The following RASEF variants were observed in gnomAD, a reference collection of about 807,000 sequenced individuals.
The protein encoded by RASEF is ras and EF-hand domain-containing protein.
In RASEF, 68 loss-of-function variants were observed where a neutral mutation model predicts 90.1. That is an observed-to-expected ratio of 0.75 (90% CI 0.62 to 0.92). The LOEUF (loss-of-function observed/expected upper bound fraction) is 0.92. Ranked by LOEUF, RASEF falls within the 40% of genes least tolerant of loss-of-function variation. RASEF has a pLI of 0.00. For missense variants in RASEF, 949 were observed against 937.2 expected (o/e 1.01, Z -0.16); for synonymous variants, 331 against 345.2 (o/e 0.96, Z 0.46).
In RASEF at chr9:83,062,635, C is replaced by G; in HGVS notation, c.233G>C (p.Gly78Ala). The change falls in exon 1 of 17, where the codon GGG becomes GCG. Residue 78 changes from glycine (G) to alanine (A), a missense_variant. Gly to Ala is a moderately conservative substitution (Grantham distance 60). Around this residue, in one of 3 missense-constraint regions of RASEF, gnomAD observed 656 missense variants for 592.2 expected, o/e 1.11. Coordinates refer to ENST00000376447, the MANE Select transcript of RASEF (RefSeq NM_152573.4). ...CAGAGGACCCCAGTCCCGGCGCCGC[C>G]CCCCGCGGAGGGACCCGAGGAAGCC... Reference protein sequence around the residue: ...ARGFLGSLRGGRRRDWGPLDP... With the variant: ...ARGFLGSLRGARRRDWGPLDP... 6.4e-7 allele frequency: 1 copy of G among 1,555,202 alleles called. No homozygotes were observed. Among genetic ancestry groups the G allele is most frequent in the Non-Finnish European group, 8.6e-7 (1 of 1,156,320 alleles).
intron 14 of RASEF, 141 bp from the exon 15 acceptor site, chr9:82,993,166 CA>C (rs1828847153): frequency 1.3e-6 from 1 of 772,016 alleles, no homozygotes; most frequent in African/African-American, 1.8e-5. Context: ...CTTTAAACCT[CA>C]AAGTATCTCT....
chr9:83,164,131 A>C, the RASEF span, among the ~76,000 whole-genome samples: 1 of 151,356 alleles, frequency 6.6e-6, no homozygotes, highest in Non-Finnish European at 1.5e-5. Context: ...CCTTTTAAGA[A>C]ATGTAAAAGA....
chr9:83,018,254 C>A (rs1464529202), intron 3 of RASEF, among the ~76,000 whole-genome samples: 1 of 152,186 alleles, frequency 6.6e-6, no homozygotes, highest in South Asian at 2.1e-4. Context: ...AAAGGCACTG[C>A]ATATAAACAA....
intron 1 of RASEF, among the ~76,000 whole-genome samples, chr9:83,053,565 G>C (rs374348481): frequency 8.0e-6 from 1 of 124,880 alleles, no homozygotes; most frequent in Non-Finnish European, 1.6e-5. Context: ...ATATTGTTAT[G>C]TGTGAATTTG....
At chr9:83,111,823 A>C in the RASEF span, among the ~76,000 whole-genome samples, 1 of 152,040 alleles carries the variant, frequency 6.6e-6, no homozygotes, top group African/African-American at 2.4e-5. Context: ...CAATGGAAGA[A>C]AGCATAAAGG....
the RASEF span, among the ~76,000 whole-genome samples, chr9:83,107,816 C>G: frequency 6.6e-6 from 1 of 152,090 alleles, no homozygotes; most frequent in African/African-American, 2.4e-5. Flanking sequence ...GTCTAGCACT[C>G]CAAACACCAA....
intron 1 of RASEF, among the ~76,000 whole-genome samples, chr9:83,049,083 CA>C (rs1372703776): frequency 1.3e-5 from 2 of 149,212 alleles, no homozygotes; most frequent in Non-Finnish European, 3.0e-5. Flanking sequence ...GAGATCACAC[CA>C]CTGCACTCCA....
the RASEF span, among the ~76,000 whole-genome samples, chr9:83,124,434 T>A: frequency 6.6e-6 from 1 of 152,246 alleles, no homozygotes; most frequent in African/African-American, 2.4e-5. Context: ...TCCTCTGAGA[T>A]GTTACCTCAA....
chr9:83,111,367 T>A, the RASEF span, among the ~76,000 whole-genome samples: 1 of 152,274 alleles, frequency 6.6e-6, no homozygotes, highest in African/African-American at 2.4e-5. Context: ...AATGGAAAGA[T>A]GTTCTTCAAA....
the RASEF span, among the ~76,000 whole-genome samples, chr9:83,124,407 T>G: frequency 6.6e-6 from 1 of 152,220 alleles, no homozygotes; most frequent in Non-Finnish European, 1.5e-5. Context: ...CTGTGTCATA[T>G]TAAATGGGCC....
chr9:83,025,657 A>G (rs926377894), intron 2 of RASEF, 118 bp downstream of exon 2: 6 of 999,476 alleles, frequency 6.0e-6, no homozygotes, highest in Non-Finnish European at 8.8e-6. Flanking sequence ...TAGACTCCTC[A>G]GGCTCAGGAA....
intron 1 of RASEF, among the ~76,000 whole-genome samples, chr9:83,045,053 A>G (rs1251966958): frequency 2.0e-5 from 3 of 152,240 alleles, no homozygotes; most frequent in Non-Finnish European, 4.4e-5. Flanking sequence ...CAGCCTCCAC[A>G]GTCACACGAG....
At chr9:83,215,584 T>C in the RASEF span, among the ~76,000 whole-genome samples, 2 of 152,176 alleles carry the variant, frequency 1.3e-5, no homozygotes, top group African/African-American at 4.8e-5. Flanking sequence ...AAACTGTGAG[T>C]CCATTAAACC....
chr9:83,185,164 A>G, the RASEF span, among the ~76,000 whole-genome samples: 1 of 152,112 alleles, frequency 6.6e-6, no homozygotes, highest in African/African-American at 2.4e-5. Flanking sequence ...CATTTTTATC[A>G]TTATTTTTAA....
At chr9:83,165,193 G>A in the RASEF span, among the ~76,000 whole-genome samples, 7 of 151,964 alleles carry the variant, frequency 4.6e-5, no homozygotes, top group African/African-American at 1.7e-4. Flanking sequence ...CTTAACAACA[G>A]CAGAATACAC....
the RASEF span, among the ~76,000 whole-genome samples, chr9:83,148,397 G>A: frequency 2.0e-5 from 3 of 152,042 alleles, no homozygotes; most frequent in Non-Finnish European, 2.9e-5. Flanking sequence ...TTATACAAAG[G>A]GAAAATTTGG....
At chr9:82,999,995 AC>A in intron 12 of RASEF, among the ~76,000 whole-genome samples, 173 bp downstream of exon 12, 1 of 31,496 alleles carries the variant, frequency 3.2e-5, no homozygotes, top group Admixed American at 2.6e-4. Flanking sequence ...ACACACACAC[AC>A]ACACACACAC....
At chr9:83,206,285 A>G in the RASEF span, among the ~76,000 whole-genome samples, 1 of 152,226 alleles carries the variant, frequency 6.6e-6, no homozygotes, top group African/African-American at 2.4e-5. Flanking sequence ...TTATTCTATG[A>G]AAGAAAAAGG....
At chr9:83,115,635 C>G in the RASEF span, among the ~76,000 whole-genome samples, 1 of 152,130 alleles carries the variant, frequency 6.6e-6, no homozygotes, top group African/African-American at 2.4e-5. Flanking sequence ...CCCCTCTTCC[C>G]CACCAACCAC....
Sources: gnomAD v4.1 joint callset for allele counts (sites outside exome capture counted in the v4.1 genomes callset) on GRCh38, gnomAD v4.1.1 for gene constraint, gnomAD v4.1.1 regional missense constraint, MANE v1.5 for transcripts, NCBI Gene and HGNC (gene_info 2026-07-23, HGNC 2026-07-21) for gene names.